The following FAM120B variants were observed in gnomAD, a reference collection of about 807,000 sequenced individuals.
FAM120B encodes constitutive coactivator of peroxisome proliferator-activated receptor gamma.
FAM120B carries 83 observed loss-of-function variants against 96.3 expected under a neutral mutation model. The observed-to-expected ratio is 0.86, with a 90% CI of 0.72 to 1.03. The LOEUF is 1.03. Ranked by LOEUF, FAM120B falls within the 50% of genes least tolerant of loss-of-function variation. The pLI, the probability that FAM120B is intolerant of heterozygous loss-of-function variation, is 0.00. For synonymous variants in FAM120B, 407 were observed against 402.7 expected, an observed-to-expected ratio of 1.01 and a Z score of -0.13; for missense variants, 1,027 against 1,121.2, an observed-to-expected ratio of 0.92 and a Z score of 1.20.
chr6:170,291,216 C>T, upstream of FAM120B: 1 of 627,986 alleles, frequency 1.6e-6, no homozygotes, highest in South Asian at 1.7e-5. Context: ...AAAATGTTCA[C>T]CGCAAGAATC....
At position 170,318,764 on chromosome 6, in the gene FAM120B, G is replaced by A; in HGVS notation, c.1374G>A (p.Arg458=). 1.9e-6 allele frequency: 3 copies of A among 1,613,090 alleles called. No homozygotes were observed. The highest frequency in any genetic ancestry group is 2.5e-6 in the Non-Finnish European group (3 of 1,179,710). Residue 458 remains arginine (R), a synonymous_variant, in exon 2 of 11, where the codon AGG becomes AGA. Transcript: ENST00000476287. ...EVPMYTGSEP[R]QEVPMYTGPE... ...CCATGTATACAGGCTCTGAACCCAG[G>A]CAAGAAGTTCCCATGTATACAGGCC...
At chr6:170,330,402 G>A in intron 3 of FAM120B, 47 bp from the exon 4 acceptor site, 1 of 1,439,986 alleles carries the variant, frequency 6.9e-7, no homozygotes, top group African/African-American at 1.4e-5. Context: ...TGTGAGCCTG[G>A]CGATGCATGC....
chr6:170,309,284 A>C (rs180745713), intron 1 of FAM120B, among the ~76,000 whole-genome samples: 3 of 152,070 alleles, frequency 2.0e-5, no homozygotes, highest in African/African-American at 7.2e-5. Context: ...AAAGATAGGT[A>C]TTTCTAAGGA....
chr6:170,320,764 A>C (rs1184330247), intron 2 of FAM120B, among the ~76,000 whole-genome samples: 1 of 152,226 alleles, frequency 6.6e-6, no homozygotes, highest in Non-Finnish European at 1.5e-5. Flanking sequence ...ATGATGTGGG[A>C]TGGAGACTTA....
intron 1 of FAM120B, among the ~76,000 whole-genome samples, chr6:170,307,612 G>C (rs1383083110): frequency 2.0e-5 from 3 of 152,222 alleles, no homozygotes; most frequent in African/African-American, 4.8e-5. Flanking sequence ...CATATTTGGG[G>C]AACTAGGAGT....
chr6:170,390,680 T>C (rs563075911), intron 7 of FAM120B, among the ~76,000 whole-genome samples: 11 of 152,352 alleles, frequency 7.2e-5, no homozygotes, highest in African/African-American at 2.6e-4. Flanking sequence ...CCAAACACTT[T>C]TTAAGGTAAG....
Position 170,384,402 on chromosome 6 carries a change from C to T in FAM120B, c.2284-3885C>T, listed in dbSNP as rs1461149770. The stretch of plus-strand genomic sequence containing the variant: ...AAAAATTAAAAAATAAATCACCAAC[C>T]AAACAGATACCTAAGGTCTCAGGGA... On this transcript the variant is annotated intron_variant, in intron 6 of 10. Transcript: ENST00000476287. 2.6e-5 allele frequency among the ~76,000 whole-genome samples: 4 copies of T among 152,108 alleles called. No individual in the cohort carries two copies. The East Asian group carries it at 5.8e-4, about 22-fold the overall frequency.
At chr6:170,293,604 T>C (rs1218224326), upstream of FAM120B, among the ~76,000 whole-genome samples, 1 of 152,148 alleles carries the variant, frequency 6.6e-6, no homozygotes, top group Non-Finnish European at 1.5e-5. Context: ...CGATTCTGTA[T>C]TGGGGAAATC....
At chr6:170,294,914 A>G (rs1562502160), upstream of FAM120B, among the ~76,000 whole-genome samples, 2 of 152,250 alleles carry the variant, frequency 1.3e-5, no homozygotes, top group Non-Finnish European at 2.9e-5. The surrounding 1 kb of genome is among the most constrained non-coding windows in gnomAD (Gnocchi z 7.9). Context: ...GTTCAGAATA[A>G]CAAGATAAAA....
upstream of FAM120B, among the ~76,000 whole-genome samples, chr6:170,292,934 AC>A (rs938827972): frequency 2.6e-5 from 4 of 151,846 alleles, no homozygotes; most frequent in African/African-American, 7.3e-5. This position sits in a 1 kb window ranked among gnomAD's most constrained non-coding sequence, Gnocchi z 6.6. Context: ...ATCACCGTGA[AC>A]CCCCTACTGT....
At chr6:170,298,384 T>A (rs1233139284) in intron 1 of FAM120B, 1 of 152,230 alleles carries the variant, frequency 6.6e-6, no homozygotes, top group East Asian at 1.9e-4. Context: ...ATTGTTGCAT[T>A]CCTTGCTTTC....
At chr6:170,349,809 ACTCAGATTT>A (rs1407293848) in intron 5 of FAM120B, among the ~76,000 whole-genome samples, 1 of 152,178 alleles carries the variant, frequency 6.6e-6, no homozygotes, top group Non-Finnish European at 1.5e-5. Flanking sequence ...CAACTGAAAT[ACTCAGATTT>A]TCACATTGGG....
intron 6 of FAM120B, among the ~76,000 whole-genome samples, chr6:170,369,130 T>G (rs943626470): frequency 6.7e-6 from 1 of 149,580 alleles, no homozygotes; most frequent in East Asian, 2.4e-4. Flanking sequence ...GCAGCTTAAA[T>G]GAGATAAGAT....
chr6:170,319,271 T>C, intron 2 of FAM120B, 147 bp downstream of exon 2: 1 of 723,014 alleles, frequency 1.4e-6, no homozygotes, highest in Non-Finnish European at 2.2e-6. Context: ...AGTGTGACGT[T>C]ATATGTGTGG....
At chr6:170,378,303 T>C (rs1789696700) in intron 6 of FAM120B, among the ~76,000 whole-genome samples, 1 of 152,144 alleles carries the variant, frequency 6.6e-6, no homozygotes, top group African/African-American at 2.4e-5. Flanking sequence ...CCCGAGCAGT[T>C]TCTAAGAGGA....
At chr6:170,386,652 T>C (rs1204782363) in intron 6 of FAM120B, among the ~76,000 whole-genome samples, 1 of 152,212 alleles carries the variant, frequency 6.6e-6, no homozygotes, top group Non-Finnish European at 1.5e-5. Context: ...AGGGCTTCCC[T>C]GTGAGTTTTT....
intron 3 of FAM120B, among the ~76,000 whole-genome samples, chr6:170,325,534 T>TA (rs1334333895): frequency 3.5e-5 from 5 of 141,358 alleles, no homozygotes; most frequent in Non-Finnish European, 7.7e-5. Context: ...AGATTTACCT[T>TA]TAAAAAAAAA....
intron 4 of FAM120B, among the ~76,000 whole-genome samples, chr6:170,336,073 T>C (rs1786401373): frequency 6.6e-6 from 1 of 152,256 alleles, no homozygotes; most frequent in African/African-American, 2.4e-5. Flanking sequence ...TTGTCAATTT[T>C]GGCTTTTGTC....
rs757109952 is a variant in FAM120B, at chr6:170,330,515, C to G, written c.1982C>G (p.Pro661Arg). The G allele has an allele frequency of 6.2e-7, 1 of 1,614,010 alleles. No individual in the cohort carries two copies. Among genetic ancestry groups the G allele is most frequent in the East Asian group, 2.2e-5 (1 of 44,882 alleles). Reference sequence around the variant, plus strand: ...TATCCTGGGAACCCACTGAGGCACCCGGACCTCGTCAGGCCGCTGCAGATG... The same window carrying G: ...TATCCTGGGAACCCACTGAGGCACCGGGACCTCGTCAGGCCGCTGCAGATG... The part of the protein sequence containing the change: ...FVYPGNPLRH[P>R]DLVRPLQMTI... Residue 661 changes from proline to arginine, a missense_variant, in exon 4 of 11, where the codon CCG (proline) becomes CGG (arginine). This residue lies in a region of FAM120B where 880 missense variants were observed against 980.9 expected (regional missense o/e 0.90). Coordinates refer to ENST00000476287, the MANE Select transcript of FAM120B (RefSeq NM_032448.3).
Sources: allele counts gnomAD v4.1 joint callset (sites outside exome capture counted in the v4.1 genomes callset), GRCh38; gene constraint gnomAD v4.1.1; regional missense constraint gnomAD v4.1.1; non-coding constraint Gnocchi (gnomAD v3.1); transcripts MANE v1.5; gene names NCBI Gene and HGNC (gene_info 2026-07-23, HGNC 2026-07-21).